ZYX: variants seen among roughly 807,000 people sequenced by gnomAD.
ZYX encodes the protein zyxin.
In ZYX, 37 loss-of-function variants were observed where a neutral mutation model predicts 58.1. That is an observed-to-expected ratio of 0.64 (90% CI 0.49 to 0.84). The LOEUF (loss-of-function observed/expected upper bound fraction) is 0.84, where lower values mean the gene tolerates loss of function less well. ZYX is among the 40% of genes least tolerant of loss of function. The pLI, the probability that ZYX is intolerant of heterozygous loss-of-function variation, is 0.00. For missense variants in ZYX, 762 were observed against 761.6 expected, an observed-to-expected ratio of 1.00 and a Z score of -0.01; for synonymous variants, 324 against 321.1, an observed-to-expected ratio of 1.01 and a Z score of -0.10.
Position 143,388,592 on chromosome 7 carries a change from G to T in ZYX, c.1248G>T (p.Ala416=), listed in dbSNP as rs541672435. The change falls in exon 7 of 10, where the codon GCG becomes GCT. Residue 416 remains alanine, a synonymous_variant. Transcript: ENST00000322764. The surrounding 1 kb of genome is among the most constrained non-coding windows in gnomAD (Gnocchi z 7.5). ...CCTGCTTCACCTGCCACCAGTGTGC[G>T]CAGCAGCTCCAGGGCCAGCAGTTCT... ...HIACFTCHQC[A]QQLQGQQFYS... 4 of 1,612,780 alleles carry T rather than the reference G, an allele frequency of 2.5e-6. No individual in the cohort carries two copies. In the South Asian group the frequency reaches 4.4e-5, roughly 18 times the overall value.
Position 143,383,265 on chromosome 7 carries a change from G to A in ZYX, c.966G>A (p.Lys322=). Residue 322 remains lysine (K), a synonymous_variant, in exon 5 of 10, where the codon AAG becomes AAA. Transcript: ENST00000322764. ...PSFTYAQQRE[K]PRVQEKQHPV... ...TCACCTATGCCCAGCAGAGGGAGAA[G>A]CCCCGAGTGCAGGAGAAGCAGCACC... The A allele has an allele frequency of 1.9e-6, 3 of 1,613,760 alleles. No homozygotes were observed. The highest frequency in any genetic ancestry group is 1.1e-5 in the South Asian group (1 of 91,074).
chr7:143,382,242 C>T lies in ZYX; in HGVS notation c.209-6C>T. The T allele has an allele frequency of 1.2e-6, 2 of 1,611,804 alleles. No homozygotes were observed. Among genetic ancestry groups the T allele is most frequent in the Non-Finnish European group, 1.7e-6 (2 of 1,179,012 alleles). ...CCGGCCGACGTCTTTCTCCTTCCTACCCCAGACTTTCCCCTGCCTCCACCT... is the reference window on the plus strand; with the variant it reads ...CCGGCCGACGTCTTTCTCCTTCCTATCCCAGACTTTCCCCTGCCTCCACCT... On this transcript the variant is annotated splice_region_variant and splice_polypyrimidine_tract_variant and intron_variant, in intron 2 of 9. Coordinates refer to ENST00000322764, the MANE Select transcript of ZYX (RefSeq NM_003461.5).
Position 143,390,631 on chromosome 7 carries a change from G to T in ZYX, c.1668G>T (p.Leu556=). ...IEADDNGCFP[L]DGHVLCRKCH... is the part of the protein sequence containing the mutation. ...CAGATGACAATGGCTGCTTCCCCCT[G>T]GACGGTCACGTGCTCTGTCGGAAGT... The change falls in exon 10 of 10, where the codon CTG becomes CTT. Residue 556 remains leucine, a synonymous_variant. Coordinates refer to ENST00000322764, the MANE Select transcript of ZYX (RefSeq NM_003461.5). This position sits in a 1 kb window ranked among gnomAD's most constrained non-coding sequence, Gnocchi z 4.3. 6.3e-7 allele frequency: 1 copy of T among 1,587,756 alleles called. No individual in the cohort carries two copies. Among genetic ancestry groups the T allele is most frequent in the South Asian group, 1.2e-5 (1 of 86,706 alleles).
At chr7:143,386,110 G>A (rs187469414) in intron 5 of ZYX, among the ~76,000 whole-genome samples, 75 of 152,074 alleles carry the variant, frequency 4.9e-4, no homozygotes, top group African/African-American at 1.6e-3. Flanking sequence ...GTGTGAGGGT[G>A]TGTGTGTTTG....
Position 143,381,548 on chromosome 7 carries a change from C to T in ZYX, c.-15-9C>T. The stretch of plus-strand genomic sequence containing the variant: ...GCTCCGCGCTGCGTAACCCGGCGAC[C>T]CACCCCAGCAGCCCGGCCCGGCCAT... On this transcript the variant is annotated splice_polypyrimidine_tract_variant and intron_variant, in intron 1 of 9. Coordinates refer to ENST00000322764, the MANE Select transcript of ZYX (RefSeq NM_003461.5). The T allele has an allele frequency of 1.2e-6, 2 of 1,603,512 alleles. No homozygotes were observed. The highest frequency in any genetic ancestry group is 1.7e-6 in the Non-Finnish European group (2 of 1,175,222).
intron 5 of ZYX, among the ~76,000 whole-genome samples, chr7:143,386,944 G>A (rs1804885981): frequency 6.6e-6 from 1 of 152,092 alleles, no homozygotes; most frequent in African/African-American, 2.4e-5. Context: ...GATACCCATG[G>A]GAGGTGATGC....
In ZYX at chr7:143,388,812, C is replaced by T. The variant is rs544381844; in HGVS notation, c.1360C>T (p.Arg454Cys). The T allele has an allele frequency of 3.7e-5, 60 of 1,613,952 alleles. No individual in the cohort carries two copies. Among genetic ancestry groups the T allele is most frequent in the Non-Finnish European group, 4.7e-5 (56 of 1,179,978 alleles). ...CACCTGCGGGGAGCCCATCACTGAC[C>T]GCATGCTGAGGGCCACGGGCAAGGC... ...CNTCGEPITD[R>C]MLRATGKAYH... Residue 454 changes from arginine to cysteine, a missense_variant, in exon 8 of 10, where the codon CGC (arginine) becomes TGC (cysteine). Physicochemically the swap from Arg to Cys is radical, Grantham distance 180 (BLOSUM62 -3). Transcript: ENST00000322764. The surrounding 1 kb of genome is among the most constrained non-coding windows in gnomAD (Gnocchi z 7.5).
Position 143,387,736 on chromosome 7 carries a change from C to T in ZYX, c.1024-483C>T, listed in dbSNP as rs1415530521. On this transcript the variant is annotated intron_variant, in intron 5 of 9. Coordinates refer to ENST00000322764, the MANE Select transcript of ZYX (RefSeq NM_003461.5). This position sits in a 1 kb window ranked among gnomAD's most constrained non-coding sequence, Gnocchi z 5.8. ...CAGTGGGTTTAACCTGCAATTCCTG[C>T]CTGTGTTGTATCCTCACGCTGACAG... The T allele has an allele frequency of 2.1e-6, 1 of 471,382 alleles. No individual in the cohort carries two copies. Among genetic ancestry groups the T allele is most frequent in the Non-Finnish European group, 4.4e-6 (1 of 227,172 alleles). The allele number at this position is 471,382 out of a possible 1,614,324, so 29.2% of individuals were successfully genotyped here.
At chr7:143,381,509 G>A in intron 1 of ZYX, 48 bp from the exon 2 acceptor site, 1 of 1,544,326 alleles carries the variant, frequency 6.5e-7, no homozygotes, top group Non-Finnish European at 8.7e-7. Context: ...GACCGCCTGG[G>A]GCTCCTGAGC....
At position 143,390,517 on chromosome 7, in the gene ZYX, G is replaced by A; in HGVS notation, c.1615-61G>A. On this transcript the variant is annotated intron_variant, in intron 9 of 9. Transcript: ENST00000322764. This position sits in a 1 kb window ranked among gnomAD's most constrained non-coding sequence, Gnocchi z 4.3. ...CCAAGATGGAGCTGGATGGGGTGGG[G>A]TAGGGTGGAGCAGAGCAGGGGCCTT... 1 of 1,247,548 alleles carries A rather than the reference G, an allele frequency of 8.0e-7. No homozygotes were observed. The highest frequency in any genetic ancestry group is 1.1e-6 in the Non-Finnish European group (1 of 875,866). The allele number at this position is 1,247,548 out of a possible 1,614,324, so 77.3% of individuals were successfully genotyped here. A position where few individuals can be genotyped will look rare whatever the true frequency, so the allele number is the denominator to read the frequency against.
chr7:143,388,134 A>G lies in ZYX; in HGVS notation c.1024-85A>G, dbSNP rs568880548. ...GGACACGAGCTGGGAGCTAAGCCTC[A>G]TCGGAAGAAGCCGGGTAGGCTGGCC... On this transcript the variant is annotated intron_variant, in intron 5 of 9. Transcript: ENST00000322764. The surrounding 1 kb of genome is among the most constrained non-coding windows in gnomAD (Gnocchi z 7.5). The G allele has an allele frequency of 1.5e-4, 226 of 1,485,508 alleles. No homozygotes were observed. Among genetic ancestry groups the G allele is most frequent in the Non-Finnish European group, 1.9e-4 (210 of 1,107,848 alleles). The allele number at this position is 1,485,508 out of a possible 1,614,324, so 92.0% of individuals were successfully genotyped here. A position where few individuals can be genotyped will look rare whatever the true frequency, so the allele number is the denominator to read the frequency against.
chr7:143,388,268 A>T lies in ZYX; in HGVS notation c.1073A>T (p.Glu358Val). 6.2e-7 allele frequency: 1 copy of T among 1,613,068 alleles called. No individual in the cohort carries two copies. The highest frequency in any genetic ancestry group is 8.5e-7 in the Non-Finnish European group (1 of 1,179,592). ...PGPLTLKEVE[E>V]LEQLTQQLMQ... ...CCCCTGACTCTGAAGGAGGTGGAGG[A>T]GCTGGAGCAGCTGACCCAGCAGCTA... The change falls in exon 6 of 10, where the codon GAG becomes GTG. Residue 358 changes from glutamate (E) to valine (V), a missense_variant. Physicochemically the swap from Glu to Val is moderately radical, Grantham distance 121 (BLOSUM62 -2). Transcript: ENST00000322764. This position sits in a 1 kb window ranked among gnomAD's most constrained non-coding sequence, Gnocchi z 7.5.
At chr7:143,385,011 C>T (rs1804804432) in intron 5 of ZYX, among the ~76,000 whole-genome samples, 1 of 152,006 alleles carries the variant, frequency 6.6e-6, no homozygotes, top group Non-Finnish European at 1.5e-5. Context: ...GGGTCAGGGT[C>T]GGAGCGGAGG....
intron 3 of ZYX, 63 bp from the exon 4 acceptor site, chr7:143,382,530 C>T (rs1804665719): frequency 6.2e-7 from 1 of 1,601,936 alleles, no homozygotes. Flanking sequence ...CTCCCCTGCA[C>T]CTCTGCCTTG....
At position 143,387,876 on chromosome 7, in the gene ZYX, G is replaced by T; in HGVS notation, c.1024-343G>T. 4.0e-6 allele frequency: 2 copies of T among 496,982 alleles called. No homozygotes were observed. The highest frequency in any genetic ancestry group is 4.0e-6 in the Non-Finnish European group (1 of 248,356). 30.8% of individuals were successfully genotyped at this position (496,982 alleles called of 1,614,324 possible). On this transcript the variant is annotated intron_variant, in intron 5 of 9. Transcript: ENST00000322764. This position sits in a 1 kb window ranked among gnomAD's most constrained non-coding sequence, Gnocchi z 5.8. ...AGCATGCTCTGTGGAGTTGATGCGT[G>T]GCCCTGGAGTGTCCGGTGCTTCAGT...
At position 143,387,798 on chromosome 7, in the gene ZYX, G is replaced by T. The variant is rs1187146987; in HGVS notation, c.1024-421G>T. On this transcript the variant is annotated intron_variant, in intron 5 of 9. Transcript: ENST00000322764. The surrounding 1 kb of genome is among the most constrained non-coding windows in gnomAD (Gnocchi z 5.8). ...CAGCAGGCAGGCCGGGTAGGTGTGT[G>T]TGCGCGTGTGTGCACGCCATTGCGT... The T allele has an allele frequency of 2.1e-6, 1 of 474,364 alleles. No individual in the cohort carries two copies. Among genetic ancestry groups the T allele is most frequent in the Non-Finnish European group, 4.4e-6 (1 of 229,242 alleles). The allele number at this position is 474,364 out of a possible 1,614,324, so 29.4% of individuals were successfully genotyped here.
chr7:143,382,329 C>G lies in ZYX; in HGVS notation c.290C>G (p.Pro97Arg). The change falls in exon 3 of 10, where the codon CCT becomes CGT. Residue 97 changes from proline (P) to arginine (R), a missense_variant. Physicochemically the swap from Pro to Arg is moderately radical, Grantham distance 103 (BLOSUM62 -2). Transcript: ENST00000322764. ...CTGGGAGGTGCCTTCCCGCCGCCCCCTCCCCCGATCGAGGAATCATTTCCC... is the reference window on the plus strand; with the variant it reads ...CTGGGAGGTGCCTTCCCGCCGCCCCGTCCCCCGATCGAGGAATCATTTCCC... ...GALGGAFPPP[P>R]PPIEESFPPA... The G allele has an allele frequency of 6.2e-7, 1 of 1,607,898 alleles. No individual in the cohort carries two copies. The highest frequency in any genetic ancestry group is 1.7e-5 in the Admixed American group (1 of 59,076).
chr7:143,385,660 C>CTTGTTTTTTTTTTT (rs1804833681), intron 5 of ZYX, among the ~76,000 whole-genome samples: 1 of 68,960 alleles, frequency 1.5e-5, no homozygotes, highest in African/African-American at 5.8e-5. Flanking sequence ...TGTGGTATAT[C>CTTGTTTTTTTTTTT]TTTTTTTTTT....
At position 143,384,823 on chromosome 7, in the gene ZYX, A is replaced by C. The variant is rs1267654030; in HGVS notation, c.1023+1501A>C. Among the ~76,000 whole-genome samples the C allele has an allele frequency of 6.6e-6, 1 of 152,122 alleles. No homozygotes were observed. Among genetic ancestry groups the C allele is most frequent in the Non-Finnish European group, 1.5e-5 (1 of 68,030 alleles). ...TTGCTGACAAAATAGAGAAGTCCAG[A>C]AGGGGAAATGGTTTGGACGGGAAGA... On this transcript the variant is annotated intron_variant, in intron 5 of 9. Coordinates refer to ENST00000322764, the MANE Select transcript of ZYX (RefSeq NM_003461.5). This position sits in a 1 kb window ranked among gnomAD's most constrained non-coding sequence, Gnocchi z 4.9.
Sources: gnomAD v4.1 joint callset for allele counts (sites outside exome capture counted in the v4.1 genomes callset) on GRCh38, gnomAD v4.1.1 for gene constraint, Gnocchi (gnomAD v3.1) non-coding constraint, MANE v1.5 for transcripts, NCBI Gene and HGNC (gene_info 2026-07-23, HGNC 2026-07-21) for gene names.